MYOM2: variants seen among roughly 807,000 people sequenced by gnomAD.
The protein encoded by MYOM2 is myomesin-2.
A neutral mutation model predicts 187.6 loss-of-function variants in MYOM2; 254 were observed. That is an observed-to-expected ratio of 1.35 (90% confidence interval 1.22 to 1.50). The LOEUF is 1.50. MYOM2 is among the 40% of genes most tolerant of loss of function. The probability of loss-of-function intolerance (pLI) is 0.00; values close to 1 mark genes in which losing one functional copy is unlikely to be tolerated. For synonymous variants in MYOM2, 981 were observed against 753.8 expected (o/e 1.30, Z -4.94); for missense variants, 2,796 against 1,924.0 (o/e 1.45, Z -8.48).
chr8:2,085,018 T>A (rs1160645877), intron 13 of MYOM2: 3 of 468,576 alleles, frequency 6.4e-6, no homozygotes, highest in Admixed American at 3.8e-5. Flanking sequence ...TGGAAGACTT[T>A]CGGGTGAGAT....
chr8:2,070,757 G>C (rs917576205), intron 8 of MYOM2, among the ~76,000 whole-genome samples: 2 of 152,216 alleles, frequency 1.3e-5, no homozygotes, highest in African/African-American at 4.8e-5. Flanking sequence ...TGCTTCAGTT[G>C]TTTTTCGTCG....
chr8:2,102,795 CA>C lies in MYOM2; in HGVS notation c.2734+19del. 1 of 1,585,360 alleles carries C rather than the reference CA, an allele frequency of 6.3e-7. No individual in the cohort carries two copies. Among genetic ancestry groups the C allele is most frequent in the Non-Finnish European group, 8.7e-7 (1 of 1,155,132 alleles). ...AGGCGAGACCAGGTAAGGCTTACAACAAAAACTACAAAACAGCAATGATTTG... is the reference window on the plus strand; with the variant it reads ...AGGCGAGACCAGGTAAGGCTTACAACAAAACTACAAAACAGCAATGATTTG... On this transcript the variant is annotated intron_variant, in intron 21 of 36. Coordinates refer to ENST00000262113, the MANE Select transcript of MYOM2 (RefSeq NM_003970.4).
In MYOM2 at chr8:2,067,780, A is replaced by G. The variant is rs1819065957; in HGVS notation, c.654-1498A>G. On this transcript the variant is annotated intron_variant, in intron 6 of 36. Coordinates refer to ENST00000262113, the MANE Select transcript of MYOM2 (RefSeq NM_003970.4). ...TGTTTTGTTTTGTTTTCCCAGGGAT[A>G]AACACACATCAGTGTCTCAGGTGGA... Among the ~76,000 whole-genome samples the G allele has an allele frequency of 2.6e-5, 4 of 152,122 alleles. No individual in the cohort carries two copies. In the South Asian group the frequency reaches 8.3e-4, roughly 32 times the overall value.
chr8:2,116,134 T>C (rs368008986), intron 26 of MYOM2, 30 bp downstream of exon 26: 1 of 1,605,064 alleles, frequency 6.2e-7, no homozygotes, highest in Non-Finnish European at 8.5e-7. Flanking sequence ...TCCACGTCCA[T>C]ACAAGATAAT....
At chr8:2,129,075 C>G (rs1797758308) in intron 31 of MYOM2, 52 bp from the exon 32 acceptor site, 1 of 1,347,602 alleles carries the variant, frequency 7.4e-7, no homozygotes, top group Non-Finnish European at 1.1e-6. Flanking sequence ...TTTCTGTGAT[C>G]ACACAGCAGG....
intron 25 of MYOM2, among the ~76,000 whole-genome samples, chr8:2,112,794 G>A (rs1360630524): frequency 6.6e-6 from 1 of 152,210 alleles, no homozygotes; most frequent in Admixed American, 6.5e-5. Context: ...TCAGAAGAAG[G>A]TTGCTGATTT....
intron 2 of MYOM2, 27 bp from the exon 3 acceptor site, chr8:2,052,131 C>G (rs1481513960): frequency 1.2e-6 from 2 of 1,611,752 alleles, no homozygotes; most frequent in Admixed American, 3.4e-5. Context: ...GAGCATGCAT[C>G]TCCTAATCGT....
chr8:2,113,183 G>T (rs1797124710), intron 25 of MYOM2, among the ~76,000 whole-genome samples: 1 of 152,222 alleles, frequency 6.6e-6, no homozygotes. Flanking sequence ...GCATGGCTGG[G>T]GCGAGTCCCG....
At chr8:2,078,597 T>C (rs1819512947) in intron 11 of MYOM2, 137 bp from the exon 12 acceptor site, 1 of 732,848 alleles carries the variant, frequency 1.4e-6, no homozygotes. Flanking sequence ...CAAGTCAATA[T>C]CTTAGCAGCA....
intron 32 of MYOM2, among the ~76,000 whole-genome samples, chr8:2,138,350 G>A (rs935970574): frequency 6.6e-6 from 1 of 152,188 alleles, no homozygotes. Context: ...GCTGACTGTG[G>A]ACTGAGAGCA....
At position 2,122,812 on chromosome 8, in the gene MYOM2, C is replaced by T. The variant is rs948106534; in HGVS notation, c.3454-440C>T. On this transcript the variant is annotated intron_variant, in intron 28 of 36. Coordinates refer to ENST00000262113, the MANE Select transcript of MYOM2 (RefSeq NM_003970.4). ...AGTGAGCATTTTTGTGTTAAGATTT[C>T]ATTTTCTTTGTGTCCCTGTACCTGA... Among the ~76,000 whole-genome samples, 7 of 152,194 alleles carry T rather than the reference C, an allele frequency of 4.6e-5. No individual in the cohort carries two copies. The East Asian group carries it at 7.7e-4, about 17-fold the overall frequency.
In MYOM2 at chr8:2,085,572, A is replaced by G. The variant is rs1307072829; in HGVS notation, c.1644+182A>G. Among the ~76,000 whole-genome samples, 8 of 15,910 alleles carry G rather than the reference A, an allele frequency of 5.0e-4. 3 individuals carry two copies. Among genetic ancestry groups the G allele is most frequent in the Non-Finnish European group, 6.5e-4 (7 of 10,750 alleles). 10.4% of individuals were successfully genotyped at this position (15,910 alleles called of 152,430 possible). ...ACTGTCATGATCTCTGCGTGGCCCCACTGTTGTGATCTCTGCGTGGCCCCA... is the reference window on the plus strand; with the variant it reads ...ACTGTCATGATCTCTGCGTGGCCCCGCTGTTGTGATCTCTGCGTGGCCCCA... On this transcript the variant is annotated intron_variant, in intron 14 of 36. Transcript: ENST00000262113.
At chr8:2,114,117 A>C (rs1797158410) in intron 25 of MYOM2, among the ~76,000 whole-genome samples, 1 of 152,236 alleles carries the variant, frequency 6.6e-6, no homozygotes, top group Admixed American at 6.5e-5. Flanking sequence ...CAAGGGCTGC[A>C]TTCGGGTGAG....
chr8:2,069,874 C>G (rs1433756397), intron 8 of MYOM2, among the ~76,000 whole-genome samples: 1 of 152,226 alleles, frequency 6.6e-6, no homozygotes, highest in Non-Finnish European at 1.5e-5. Context: ...CATCCAAATT[C>G]TTGACCTGAA....
At chr8:2,121,311 C>G (rs115708834) in intron 28 of MYOM2, among the ~76,000 whole-genome samples, 14 of 151,986 alleles carry the variant, frequency 9.2e-5, no homozygotes, top group African/African-American at 3.1e-4. Flanking sequence ...TTGTTCTGAC[C>G]GTGCCATACA....
chr8:2,124,611 T>A (rs758479449), intron 31 of MYOM2, among the ~76,000 whole-genome samples: 8 of 152,218 alleles, frequency 5.3e-5, no homozygotes, highest in Non-Finnish European at 7.4e-5. Context: ...TCTTTACAAA[T>A]AAATGCCCAG....
chr8:2,137,069 T>C (rs971195898), intron 32 of MYOM2, among the ~76,000 whole-genome samples: 1 of 151,654 alleles, frequency 6.6e-6, no homozygotes, highest in Admixed American at 6.6e-5. Flanking sequence ...TCTCTCTCTT[T>C]CTCACACACA....
intron 21 of MYOM2, among the ~76,000 whole-genome samples, chr8:2,104,820 G>C (rs967062339): frequency 2.6e-5 from 4 of 152,076 alleles, no homozygotes; most frequent in African/African-American, 9.7e-5. Flanking sequence ...TACTCTCACT[G>C]GAACTACTCC....
At chr8:2,089,885 G>A (rs1377982489) in intron 14 of MYOM2, 123 bp from the exon 15 acceptor site, 9 of 765,540 alleles carry the variant, frequency 1.2e-5, no homozygotes, top group East Asian at 5.6e-5. Flanking sequence ...CTTTGTGTGC[G>A]AGACGCAGCG....
Sources: allele counts gnomAD v4.1 joint callset (sites outside exome capture counted in the v4.1 genomes callset), GRCh38; gene constraint gnomAD v4.1.1; transcripts MANE v1.5; gene names NCBI Gene and HGNC (gene_info 2026-07-23, HGNC 2026-07-21).